SEMA6D: variants seen among roughly 807,000 people sequenced by gnomAD.
SEMA6D encodes semaphorin 6D.
Under a neutral mutation model 106.6 loss-of-function variants are expected in SEMA6D, and 35 were observed. The ratio of observed to expected loss-of-function variants is 0.33; its 90% CI spans 0.25 to 0.44. The LOEUF (loss-of-function observed/expected upper bound fraction) is 0.44. SEMA6D is among the 20% of genes least tolerant of loss of function. The pLI is 1.00. For synonymous variants in SEMA6D, 499 were observed against 487.7 expected (o/e 1.02, Z -0.31); for missense variants, 1,185 against 1,345.9 (o/e 0.88, Z 1.87).
chr15:47,232,321 A>G (rs1315614750), intron 1 of SEMA6D, among the ~76,000 whole-genome samples: 3 of 151,900 alleles, frequency 2.0e-5, no homozygotes, highest in Non-Finnish European at 4.4e-5. Context: ...TTTGTGGTGA[A>G]TTTTTTTGTG....
At chr15:47,281,984 A>G (rs2035144860) in intron 1 of SEMA6D, among the ~76,000 whole-genome samples, 1 of 152,202 alleles carries the variant, frequency 6.6e-6, no homozygotes, top group Non-Finnish European at 1.5e-5. Context: ...GCTTAGTTTT[A>G]CACTATACCC....
At chr15:47,420,448 C>G (rs1371923770) in intron 2 of SEMA6D, among the ~76,000 whole-genome samples, 1 of 152,026 alleles carries the variant, frequency 6.6e-6, no homozygotes, top group African/African-American at 2.4e-5. Context: ...AAATGTATGT[C>G]CATTGCCTCC....
chr15:47,377,422 A>C (rs1457050368), intron 1 of SEMA6D, among the ~76,000 whole-genome samples: 1 of 152,162 alleles, frequency 6.6e-6, no homozygotes. Flanking sequence ...AGCTACAGGG[A>C]TGAGAAACAG....
At chr15:47,575,999 A>G (rs962293463) in intron 3 of SEMA6D, among the ~76,000 whole-genome samples, 1 of 152,246 alleles carries the variant, frequency 6.6e-6, no homozygotes, top group Non-Finnish European at 1.5e-5. Context: ...AGATTTACCC[A>G]AATGAGACAT....
intron 1 of SEMA6D, among the ~76,000 whole-genome samples, chr15:47,371,673 G>A (rs12913596): frequency 0.07 from 10,686 of 152,024 alleles, 542 homozygotes; most frequent in Middle Eastern, 0.21. Flanking sequence ...CCATGTTTCC[G>A]AGATGAGAAT....
At chr15:47,211,751 G>T (rs1023978801) in intron 1 of SEMA6D, among the ~76,000 whole-genome samples, 1 of 152,014 alleles carries the variant, frequency 6.6e-6, no homozygotes, top group Non-Finnish European at 1.5e-5. Flanking sequence ...TGTCAAGAAG[G>T]TTAGACTAGG....
At chr15:47,628,593 G>A (rs893571500) in intron 4 of SEMA6D, among the ~76,000 whole-genome samples, 1 of 151,896 alleles carries the variant, frequency 6.6e-6, no homozygotes, top group Non-Finnish European at 1.5e-5. Context: ...TAGTGGGATT[G>A]TTTGCTTTTG....
At chr15:47,762,158 A>G (rs1217183063) in intron 7 of SEMA6D, 42 bp from the exon 8 acceptor site, 1 of 1,612,534 alleles carries the variant, frequency 6.2e-7, no homozygotes, top group South Asian at 1.1e-5. Context: ...ACACTGCAGG[A>G]TAATTATGGT....
chr15:47,427,445 C>T (rs1428081895), intron 2 of SEMA6D, among the ~76,000 whole-genome samples: 2 of 152,158 alleles, frequency 1.3e-5, no homozygotes, highest in African/African-American at 4.8e-5. Flanking sequence ...GCTTATTACA[C>T]TCCTTTTCAT....
intron 1 of SEMA6D, among the ~76,000 whole-genome samples, chr15:47,724,049 A>G (rs2079581292): frequency 1.3e-5 from 2 of 152,234 alleles, no homozygotes; most frequent in Admixed American, 6.5e-5. Context: ...TCCCCTCTCC[A>G]CTGGCCTACG....
intron 2 of SEMA6D, among the ~76,000 whole-genome samples, chr15:47,451,700 T>A (rs16959530): frequency 0.043 from 6,498 of 152,056 alleles, 295 homozygotes; most frequent in East Asian, 0.15. Context: ...ATTTAAGTCC[T>A]CCCTTTGTTC....
rs1048866408 is a variant in SEMA6D at position 47,322,462 on chromosome 15, G to C, written c.-238-89931G>C. Reference sequence around the variant, plus strand: ...ATTTTGTACAATATCTATCAATTTAGGTTTTTCAGGTACTTTCTCATCATT... The same window carrying C: ...ATTTTGTACAATATCTATCAATTTACGTTTTTCAGGTACTTTCTCATCATT... On this transcript the variant is annotated intron_variant, in intron 1 of 19. Coordinates refer to the SEMA6D transcript ENST00000558014. Among the ~76,000 whole-genome samples the C allele has an allele frequency of 4.6e-5, 7 of 151,868 alleles. No homozygotes were observed. The East Asian group carries it at 1.4e-3, about 29-fold the overall frequency.
rs76765702 is a variant in SEMA6D, at chr15:47,686,712, C to G, written c.-54-73033C>G. Among the ~76,000 whole-genome samples, 1,177 of 152,214 alleles carry G rather than the reference C, an allele frequency of 7.7e-3. 19 individuals carry two copies. Among genetic ancestry groups the G allele is most frequent in the African/African-American group, 0.027 (1,106 of 41,510 alleles). Reference sequence around the variant, plus strand: ...CTCATCAGCACTTCAACATGTGTGTCAAATTCCTTGAATGAACACGCAAAA... The same window carrying G: ...CTCATCAGCACTTCAACATGTGTGTGAAATTCCTTGAATGAACACGCAAAA... On this transcript the variant is annotated intron_variant, in intron 4 of 19. Transcript: ENST00000558014.
chr15:47,523,517 A>G (rs2044654841), intron 3 of SEMA6D, among the ~76,000 whole-genome samples: 1 of 151,930 alleles, frequency 6.6e-6, no homozygotes, highest in Admixed American at 6.6e-5. Flanking sequence ...GAAAGAGCTC[A>G]TCGTCCTCTC....
At chr15:47,330,689 G>T (rs1168515678) in intron 1 of SEMA6D, among the ~76,000 whole-genome samples, 1 of 152,180 alleles carries the variant, frequency 6.6e-6, no homozygotes, top group Non-Finnish European at 1.5e-5. Context: ...GTTTGAGAGT[G>T]AACTCCACAC....
intron 4 of SEMA6D, among the ~76,000 whole-genome samples, chr15:47,636,922 A>C (rs1425050551): frequency 6.6e-6 from 1 of 152,168 alleles, no homozygotes; most frequent in Non-Finnish European, 1.5e-5. Flanking sequence ...TGGCTGCCCT[A>C]GGCTGGGCTA....
At chr15:47,337,995 T>G (rs2037640267) in intron 1 of SEMA6D, among the ~76,000 whole-genome samples, 1 of 152,164 alleles carries the variant, frequency 6.6e-6, no homozygotes, top group Non-Finnish European at 1.5e-5. Flanking sequence ...AAACTGAGAC[T>G]AAGAGTGAAT....
chr15:47,657,788 C>G (rs535089428), intron 4 of SEMA6D, among the ~76,000 whole-genome samples: 1 of 114,278 alleles, frequency 8.8e-6, no homozygotes, highest in African/African-American at 3.5e-5. Context: ...GTCACCCAGG[C>G]TGGAGTGCAG....
chr15:47,407,752 T>C (rs1234591032), intron 1 of SEMA6D, among the ~76,000 whole-genome samples: 1 of 152,230 alleles, frequency 6.6e-6, no homozygotes, highest in Non-Finnish European at 1.5e-5. Flanking sequence ...ATTCCACAAC[T>C]GTGAGTTCTT....
Sources: allele counts gnomAD v4.1 joint callset (sites outside exome capture counted in the v4.1 genomes callset), GRCh38; gene constraint gnomAD v4.1.1; transcripts MANE v1.5; gene names NCBI Gene and HGNC (gene_info 2026-07-23, HGNC 2026-07-21).